PCDH15: variants seen among roughly 807,000 people sequenced by gnomAD.
PCDH15 encodes the protein protocadherin related 15, also known as protocadherin-15.
In PCDH15, 129 loss-of-function variants were observed where a neutral mutation model predicts 178.5. The observed-to-expected ratio is 0.72, with a 90% CI of 0.63 to 0.84. The LOEUF is 0.84. PCDH15 is among the 40% of genes least tolerant of loss of function. The pLI, the probability that PCDH15 is intolerant of heterozygous loss-of-function variation, is 0.00. For synonymous variants in PCDH15, 800 were observed against 732.0 expected (o/e 1.09, Z -1.50); for missense variants, 2,230 against 2,099.9 (o/e 1.06, Z -1.21).
intron 3 of PCDH15, among the ~76,000 whole-genome samples, chr10:54,421,015 G>C (rs1955204802): frequency 6.6e-6 from 1 of 151,892 alleles, no homozygotes. Flanking sequence ...AAAGCTTTTC[G>C]CTTCGCATGT....
intron 17 of PCDH15, among the ~76,000 whole-genome samples, chr10:54,073,329 C>T (rs2094282734): frequency 6.6e-6 from 1 of 151,758 alleles, no homozygotes; most frequent in Admixed American, 6.6e-5. Flanking sequence ...ACATATATGA[C>T]TTAAATGTTT....
chr10:55,232,499 C>G (rs1472227410), intron 1 of PCDH15, among the ~76,000 whole-genome samples: 2 of 152,020 alleles, frequency 1.3e-5, no homozygotes, highest in Non-Finnish European at 2.9e-5. Flanking sequence ...CTAACATTTC[C>G]CCACTTCCTG....
At chr10:54,499,641 A>G (rs1167319118) in intron 3 of PCDH15, among the ~76,000 whole-genome samples, 4 of 152,152 alleles carry the variant, frequency 2.6e-5, no homozygotes, top group African/African-American at 9.6e-5. Flanking sequence ...CAAAGATACA[A>G]TATGCCAGAA....
At chr10:54,986,560 T>C (rs1318204332) in intron 2 of PCDH15, among the ~76,000 whole-genome samples, 1 of 152,184 alleles carries the variant, frequency 6.6e-6, no homozygotes, top group East Asian at 1.9e-4. Context: ...TTAGTAATTA[T>C]ATTAATAGAT....
At chr10:54,115,427 G>A (rs538246888) in intron 15 of PCDH15, among the ~76,000 whole-genome samples, 1 of 152,264 alleles carries the variant, frequency 6.6e-6, no homozygotes, top group East Asian at 1.9e-4. Context: ...AAGGAATGAC[G>A]GGATTATTCC....
At chr10:55,357,867 C>T (rs1443063187) in intron 2 of PCDH15, among the ~76,000 whole-genome samples, 3 of 151,848 alleles carry the variant, frequency 2.0e-5, no homozygotes, top group Non-Finnish European at 2.9e-5. Flanking sequence ...TCAGTGTTTC[C>T]CAAAGATAAA....
chr10:54,161,268 A>T (rs781071599), intron 13 of PCDH15, among the ~76,000 whole-genome samples: 1 of 152,178 alleles, frequency 6.6e-6, no homozygotes, highest in Non-Finnish European at 1.5e-5. Flanking sequence ...CATAAACATT[A>T]TGCTATTTAA....
chr10:54,003,736 C>CAAAAA (rs55871741), intron 20 of PCDH15, among the ~76,000 whole-genome samples: 1 of 76,200 alleles, frequency 1.3e-5, no homozygotes, highest in Admixed American at 1.6e-4. Flanking sequence ...CAAACTATTC[C>CAAAAA]AAAAAAAAAA....
intron 2 of PCDH15, among the ~76,000 whole-genome samples, chr10:55,421,265 A>G (rs891640041): frequency 1.3e-5 from 2 of 151,458 alleles, no homozygotes; most frequent in East Asian, 1.9e-4. Flanking sequence ...GATTTACATT[A>G]AGAATTAAAA....
intron 5 of PCDH15, among the ~76,000 whole-genome samples, chr10:54,365,221 C>A (rs984732190): frequency 1.3e-5 from 2 of 152,036 alleles, no homozygotes; most frequent in East Asian, 1.9e-4. Context: ...ATTATATGAC[C>A]TCCCAAACAT....
intron 2 of PCDH15, among the ~76,000 whole-genome samples, chr10:55,158,076 G>GTGTGTGTGTC: frequency 4.5e-5 from 5 of 110,616 alleles, no homozygotes; most frequent in Non-Finnish European, 8.9e-5. Context: ...GTGTATGTGT[G>GTGTGTGTGTC]TGTATATATA....
intron 18 of PCDH15, among the ~76,000 whole-genome samples, chr10:54,038,550 G>A (rs563651120): frequency 6.6e-6 from 1 of 152,010 alleles, no homozygotes; most frequent in Admixed American, 6.6e-5. Context: ...GGGGTAAAAT[G>A]TCCAGCATTT....
chr10:54,051,362 ACT>A (rs1033506485), intron 18 of PCDH15, among the ~76,000 whole-genome samples: 3 of 151,934 alleles, frequency 2.0e-5, no homozygotes, highest in East Asian at 1.9e-4. Flanking sequence ...AAACTTTGGA[ACT>A]CTCTAGAGAC....
intron 21 of PCDH15, among the ~76,000 whole-genome samples, chr10:53,983,492 G>T (rs757676236): frequency 2.0e-5 from 3 of 151,886 alleles, no homozygotes; most frequent in Non-Finnish European, 4.4e-5. Flanking sequence ...CAACATGTTG[G>T]CAAGTTCCTT....
chr10:54,029,756 C>A (rs2093235304), intron 18 of PCDH15, among the ~76,000 whole-genome samples: 1 of 152,152 alleles, frequency 6.6e-6, no homozygotes, highest in Non-Finnish European at 1.5e-5. Context: ...ACACTAAATT[C>A]ATTCCCCACC....
chr10:55,280,166 C>T (rs534895701), intron 1 of PCDH15, among the ~76,000 whole-genome samples: 44 of 151,682 alleles, frequency 2.9e-4, no homozygotes, highest in Non-Finnish European at 4.9e-4. Context: ...GCTGGGCAAT[C>T]TCCTTTGGAA....
chr10:55,045,569 T>A (rs545942314), intron 2 of PCDH15, among the ~76,000 whole-genome samples: 8 of 152,258 alleles, frequency 5.3e-5, no homozygotes, highest in African/African-American at 1.9e-4. Flanking sequence ...GTTCACATGT[T>A]CAAATTGTTT....
Position 53,806,449 on chromosome 10 carries a change from G to T in PCDH15, c.*130C>A. 1 of 776,708 alleles carries T rather than the reference G, an allele frequency of 1.3e-6. No homozygotes were observed. The highest frequency in any genetic ancestry group is 2.0e-6 in the Non-Finnish European group (1 of 502,388). 48.1% of individuals were successfully genotyped at this position (776,708 alleles called of 1,614,324 possible). On this transcript the variant is annotated 3_prime_UTR_variant, in exon 38 of 38. Coordinates refer to ENST00000644397, the MANE Select transcript of PCDH15 (RefSeq NM_001384140.1). ...CAAATCTGTCTCTTAAAATTTTAAA[G>T]CATATTGTTCAAAGTTTTAGCTTGT...
chr10:54,404,637 G>A (rs970526300), intron 3 of PCDH15, among the ~76,000 whole-genome samples: 5 of 151,948 alleles, frequency 3.3e-5, no homozygotes, highest in Admixed American at 3.3e-4. Flanking sequence ...AACAAAAGTA[G>A]AATTTGACAA....
Sources: allele counts gnomAD v4.1 joint callset (sites outside exome capture counted in the v4.1 genomes callset), GRCh38; gene constraint gnomAD v4.1.1; transcripts MANE v1.5; gene names NCBI Gene and HGNC (gene_info 2026-07-23, HGNC 2026-07-21).